Variants in ERBB4 observed in about 807,000 individuals in gnomAD.
ERBB4 encodes the protein erb-b2 receptor tyrosine kinase 4, also known as receptor tyrosine-protein kinase erbB-4.
Under a neutral mutation model 158.0 loss-of-function variants are expected in ERBB4, and 42 were observed. The observed-to-expected ratio is 0.27, with a 90% CI of 0.21 to 0.34. The LOEUF is 0.34. ERBB4 is among the 10% of genes least tolerant of loss of function. The pLI is 1.00. For missense variants in ERBB4, 1,333 were observed against 1,624.1 expected, an observed-to-expected ratio of 0.82 and a Z score of 3.08; for synonymous variants, 583 against 558.7, an observed-to-expected ratio of 1.04 and a Z score of -0.61.
In ERBB4 at chr2:211,840,387, T is replaced by A. The variant is rs12993811; in HGVS notation, c.422-52228A>T. 2.6e-5 allele frequency among the ~76,000 whole-genome samples: 4 copies of A among 152,082 alleles called. No homozygotes were observed. The South Asian group carries it at 8.3e-4, about 32-fold the overall frequency. On this transcript the variant is annotated intron_variant, in intron 3 of 27. Transcript: ENST00000342788. ...TTTATAAATTACCCAGTCTTGAATA[T>A]GTCTTTATTAGCAGCGTGAGAACAG...
Position 212,451,849 on chromosome 2 carries a change from G to T in ERBB4, c.82+86600C>A, listed in dbSNP as rs972491. ...CATTTCTGTCTAGTTGCTACAGGGC[G>T]CAGCTATTCATATCTACAAAGCCAG... On this transcript the variant is annotated intron_variant, in intron 1 of 27. Transcript: ENST00000342788. Among the ~76,000 whole-genome samples, 169 of 151,924 alleles carry T rather than the reference G, an allele frequency of 1.1e-3. 1 individual carries two copies. Among genetic ancestry groups the T allele is most frequent in the Middle Eastern group, 3.4e-3 (1 of 294 alleles).
intron 3 of ERBB4, among the ~76,000 whole-genome samples, chr2:211,790,420 G>A (rs192514370): frequency 1.3e-5 from 2 of 152,118 alleles, no homozygotes; most frequent in African/African-American, 4.8e-5. Context: ...AAGGAACACA[G>A]TATCCATCTC....
chr2:211,874,814 T>C (rs1351250915), intron 3 of ERBB4, among the ~76,000 whole-genome samples: 2 of 152,166 alleles, frequency 1.3e-5, no homozygotes, highest in African/African-American at 4.8e-5. Flanking sequence ...TTCAGCTATG[T>C]CCCTTTGGTT....
At chr2:212,191,943 CAT>C (rs901050439) in intron 1 of ERBB4, among the ~76,000 whole-genome samples, 31 of 96,248 alleles carry the variant, frequency 3.2e-4, no homozygotes, top group East Asian at 1.2e-3. Context: ...ATATATGATG[CAT>C]ATGTTATATA....
intron 16 of ERBB4, among the ~76,000 whole-genome samples, chr2:211,645,221 T>C (rs1243230672): frequency 1.3e-5 from 2 of 151,734 alleles, no homozygotes; most frequent in African/African-American, 4.8e-5. Context: ...TCCTTTATTA[T>C]CAAGTAAGGA....
chr2:211,715,887 T>C (rs908374889), intron 7 of ERBB4, among the ~76,000 whole-genome samples: 5 of 152,098 alleles, frequency 3.3e-5, no homozygotes, highest in African/African-American at 9.7e-5. Flanking sequence ...AACTAATACA[T>C]CTTGGGAAAT....
At chr2:212,143,854 G>GA (rs35219174) in intron 1 of ERBB4, among the ~76,000 whole-genome samples, 1,556 of 151,636 alleles carry the variant, frequency 0.01, 18 homozygotes, top group African/African-American at 0.036. Flanking sequence ...CATCTCTACT[G>GA]AAAAAAATAC....
intron 1 of ERBB4, among the ~76,000 whole-genome samples, chr2:212,275,134 G>A (rs2085481456): frequency 1.3e-5 from 2 of 151,876 alleles, no homozygotes; most frequent in Non-Finnish European, 2.9e-5. Context: ...AGTATTTCAT[G>A]GTGAACATGT....
intron 1 of ERBB4, among the ~76,000 whole-genome samples, chr2:212,222,690 G>T (rs568648494): frequency 6.6e-6 from 1 of 150,836 alleles, no homozygotes; most frequent in Non-Finnish European, 1.5e-5. Flanking sequence ...AGTCTTTCCT[G>T]ATGGCCTTGA....
intron 1 of ERBB4, among the ~76,000 whole-genome samples, chr2:212,212,720 A>C (rs763640694): frequency 4.6e-5 from 7 of 152,116 alleles, no homozygotes; most frequent in Non-Finnish European, 7.4e-5. Flanking sequence ...CAAAACAGAC[A>C]TGTAGACCAA....
chr2:212,258,756 AC>A (rs1313320149), intron 1 of ERBB4, among the ~76,000 whole-genome samples: 4 of 151,754 alleles, frequency 2.6e-5, no homozygotes, highest in Non-Finnish European at 4.4e-5. Context: ...TAATAGTACA[AC>A]CTGCATTACA....
chr2:212,046,303 C>T (rs371222385), intron 2 of ERBB4, among the ~76,000 whole-genome samples: 6 of 152,298 alleles, frequency 3.9e-5, no homozygotes, highest in African/African-American at 1.2e-4. Context: ...AGATGAGGGA[C>T]CTAGGCCCCA....
chr2:212,463,816 C>T (rs1688696027), intron 1 of ERBB4, among the ~76,000 whole-genome samples: 1 of 151,986 alleles, frequency 6.6e-6, no homozygotes. Flanking sequence ...TGCAGAATTA[C>T]CATCCTATTT....
intron 2 of ERBB4, among the ~76,000 whole-genome samples, chr2:212,004,378 C>G (rs556759200): frequency 6.6e-6 from 1 of 152,218 alleles, no homozygotes; most frequent in South Asian, 2.1e-4. Flanking sequence ...TTTGCTTCTC[C>G]CAAAGTGAGT....
chr2:211,714,221 T>C (rs2073821354), intron 7 of ERBB4, among the ~76,000 whole-genome samples: 1 of 152,232 alleles, frequency 6.6e-6, no homozygotes, highest in Non-Finnish European at 1.5e-5. Context: ...TGTTACCCAA[T>C]ACTTGGATTA....
At position 212,368,672 on chromosome 2, in the gene ERBB4, C is replaced by T. The variant is rs557184028; in HGVS notation, c.82+169777G>A. Among the ~76,000 whole-genome samples the T allele has an allele frequency of 1.3e-4, 20 of 152,202 alleles. 1 individual carries two copies. The highest frequency in any genetic ancestry group is 4.6e-4 in the African/African-American group (19 of 41,566). On this transcript the variant is annotated intron_variant, in intron 1 of 27. Transcript: ENST00000342788. The stretch of plus-strand genomic sequence containing the variant: ...AGGAAGTCATTTAATTTCTCTGAAT[C>T]TGTTTCTTCCTTTGTAAAATGATCA...
intron 1 of ERBB4, among the ~76,000 whole-genome samples, chr2:212,435,257 C>T (rs763304854): frequency 2.0e-5 from 3 of 151,950 alleles, no homozygotes; most frequent in Non-Finnish European, 2.9e-5. Context: ...AAACCTTCTC[C>T]AGGCCTATTA....
At chr2:211,738,215 G>T (rs1213092702) in intron 5 of ERBB4, among the ~76,000 whole-genome samples, 2 of 152,036 alleles carry the variant, frequency 1.3e-5, no homozygotes, top group Non-Finnish European at 2.9e-5. Context: ...AATTTATAAA[G>T]TTGTATGTCA....
intron 1 of ERBB4, among the ~76,000 whole-genome samples, chr2:212,231,073 T>C (rs1182332776): frequency 6.6e-6 from 1 of 152,122 alleles, no homozygotes; most frequent in Non-Finnish European, 1.5e-5. Flanking sequence ...ATATGAACAA[T>C]GCCAGAAATG....
Sources: gnomAD v4.1 joint callset for allele counts (sites outside exome capture counted in the v4.1 genomes callset) on GRCh38, gnomAD v4.1.1 for gene constraint, MANE v1.5 for transcripts, NCBI Gene and HGNC (gene_info 2026-07-23, HGNC 2026-07-21) for gene names.